Variants in DDX60 observed in about 807,000 individuals in gnomAD.
DDX60 encodes probable ATP-dependent RNA helicase DDX60.
Under a neutral mutation model 212.8 loss-of-function variants are expected in DDX60, and 165 were observed. That is an observed-to-expected ratio of 0.78 (90% CI 0.68 to 0.88). DDX60 has a LOEUF of 0.88. Among genes scored for constraint, DDX60 ranks in the 40% least tolerant of loss-of-function variants. DDX60 has a pLI of 0.00. For missense variants in DDX60, 1,905 were observed against 2,003.9 expected, an observed-to-expected ratio of 0.95 and a Z score of 0.94; for synonymous variants, 703 against 685.3, an observed-to-expected ratio of 1.03 and a Z score of -0.40.
chr4:168,312,454 G>A (rs1737176193), intron 1 of DDX60, among the ~76,000 whole-genome samples: 1 of 151,470 alleles, frequency 6.6e-6, no homozygotes, highest in African/African-American at 2.4e-5. Context: ...GGGAGAGACA[G>A]CATCATGGGA....
In DDX60 at chr4:168,287,280, A is replaced by C. The variant is rs77203108; in HGVS notation, c.1184-77T>G. 1,504 of 1,309,038 alleles carry C rather than the reference A, an allele frequency of 1.1e-3. 31 individuals carry two copies. In the Admixed American group the frequency reaches 0.022, roughly 19 times the overall value. 81.1% of individuals were successfully genotyped at this position (1,309,038 alleles called of 1,614,324 possible). A position where few individuals can be genotyped will look rare whatever the true frequency, so the allele number is the denominator to read the frequency against. On this transcript the variant is annotated intron_variant, in intron 9 of 37. Transcript: ENST00000393743. ...AAGAATCATTAGTCACATTTTGAGT[A>C]AATTCATGGAATTCTGAAATACTTT...
chr4:168,254,768 A>G (rs1226353137), intron 26 of DDX60, among the ~76,000 whole-genome samples: 1 of 152,186 alleles, frequency 6.6e-6, no homozygotes. Context: ...CCAAAAAGGG[A>G]GCAATCAGGA....
At chr4:168,294,848 C>T (rs1351826974) in intron 6 of DDX60, among the ~76,000 whole-genome samples, 1 of 151,790 alleles carries the variant, frequency 6.6e-6, no homozygotes, top group Non-Finnish European at 1.5e-5. Context: ...ATAGAAACAA[C>T]TCAAACTCAA....
At chr4:168,303,651 G>C (rs536184395) in intron 5 of DDX60, among the ~76,000 whole-genome samples, 9 of 152,288 alleles carry the variant, frequency 5.9e-5, no homozygotes, top group African/African-American at 2.2e-4. Context: ...TGTTCATGAG[G>C]CTGGTGTAAA....
chr4:168,244,164 G>T (rs1453371468), intron 30 of DDX60, among the ~76,000 whole-genome samples: 1 of 152,104 alleles, frequency 6.6e-6, no homozygotes, highest in African/African-American at 2.4e-5. Flanking sequence ...TAACACTTTG[G>T]TGATGGGTTG....
chr4:168,300,140 A>G (rs7657164), intron 6 of DDX60, among the ~76,000 whole-genome samples: 54,106 of 150,608 alleles, frequency 0.36, 9,815 homozygotes, highest in African/African-American at 0.44. Flanking sequence ...GCTTCAATAC[A>G]GGGAAAATCA....
intron 33 of DDX60, among the ~76,000 whole-genome samples, chr4:168,234,849 A>C (rs539276363): frequency 1.3e-5 from 2 of 152,222 alleles, no homozygotes; most frequent in South Asian, 4.1e-4. Context: ...AAGTATGATC[A>C]CCTCAGTACA....
At chr4:168,324,553 T>C in the DDX60 span, among the ~76,000 whole-genome samples, 1 of 152,128 alleles carries the variant, frequency 6.6e-6, no homozygotes, top group African/African-American at 2.4e-5. Context: ...CGAGATTAAG[T>C]AAAATTTGTA....
chr4:168,302,467 T>C, intron 5 of DDX60, 51 bp from the exon 6 acceptor site: 1 of 811,628 alleles, frequency 1.2e-6, no homozygotes, highest in Non-Finnish European at 1.8e-6. Flanking sequence ...AATATGTAAT[T>C]ATTTTCCAAC....
rs61732255 is a variant in DDX60, at chr4:168,255,845, G to A, written c.3423C>T (p.Asn1141=). Residue 1141 remains asparagine, a synonymous_variant, in exon 26 of 38, where the codon AAC becomes AAT. Transcript: ENST00000393743. ...FFLFKLGAVE[N]AAESVSTFLK... is the part of the protein sequence containing the mutation. ...GGAAAGTGCTCACACTTTCAGCTGCGTTTTCTACAGCTCCTAACTTGAATC... is the reference window on the plus strand; with the variant it reads ...GGAAAGTGCTCACACTTTCAGCTGCATTTTCTACAGCTCCTAACTTGAATC... 0.02 allele frequency: 31,361 copies of A among 1,590,578 alleles called. 1,930 individuals carry two copies. Among genetic ancestry groups the A allele is most frequent in the East Asian group, 0.17 (7,621 of 44,194 alleles).
At position 168,293,873 on chromosome 4, in the gene DDX60, T is replaced by A; in HGVS notation, c.796A>T (p.Thr266Ser). 6.2e-7 allele frequency: 1 copy of A among 1,613,970 alleles called. No homozygotes were observed. Among genetic ancestry groups the A allele is most frequent in the Non-Finnish European group, 8.5e-7 (1 of 1,179,932 alleles). The change falls in exon 7 of 38, where the codon ACT becomes TCT. Residue 266 changes from threonine (T) to serine (S), a missense_variant. Coordinates refer to ENST00000393743, the MANE Select transcript of DDX60 (RefSeq NM_017631.6). ...GSDIRRVFCV[T>S]SCSLSLRMYH... is the part of the protein sequence containing the mutation. ...ATTCTCAAAGATAATGAGCATGAAG[T>A]AACACAAAAGACACGCCGAATGTCA...
intron 33 of DDX60, chr4:168,236,005 C>G (rs1488217405): frequency 1.1e-5 from 4 of 377,032 alleles, no homozygotes; most frequent in Non-Finnish European, 1.9e-5. Context: ...TTGATACAAT[C>G]AAATGAAAAA....
chr4:168,315,768 A>T (rs1025274549), intron 1 of DDX60, among the ~76,000 whole-genome samples: 2 of 152,120 alleles, frequency 1.3e-5, no homozygotes, highest in African/African-American at 2.4e-5. Flanking sequence ...ATTCTTTTTT[A>T]TGGCTGCATA....
At chr4:168,324,325 G>A in the DDX60 span, among the ~76,000 whole-genome samples, 1 of 151,402 alleles carries the variant, frequency 6.6e-6, no homozygotes, top group South Asian at 2.1e-4. Context: ...CTGAAGAAGG[G>A]CAATATTTTG....
intron 33 of DDX60, among the ~76,000 whole-genome samples, chr4:168,227,138 A>T (rs1168239895): frequency 6.6e-6 from 1 of 151,838 alleles, no homozygotes; most frequent in Non-Finnish European, 1.5e-5. Context: ...ATATATAGTG[A>T]TGTTATCCTT....
chr4:168,227,753 T>C (rs1733308609), intron 33 of DDX60, among the ~76,000 whole-genome samples: 1 of 152,104 alleles, frequency 6.6e-6, no homozygotes, highest in Non-Finnish European at 1.5e-5. Flanking sequence ...AGCATTCTTA[T>C]GTTTGCTTTA....
In DDX60 at chr4:168,237,357, G is replaced by A; in HGVS notation, c.4340C>T (p.Pro1447Leu). 1.3e-6 allele frequency: 2 copies of A among 1,596,770 alleles called. No individual in the cohort carries two copies. The highest frequency in any genetic ancestry group is 1.7e-6 in the Non-Finnish European group (2 of 1,171,880). ...AAAACTGACAAAAACAAGATTAGAA[G>A]GTTCATGATAATGCAAATGTGATAC... is the stretch of plus-strand genomic sequence containing the variant. ...GLVSHLHYHE[P>L]SNLVFVSFLV... The change falls in exon 32 of 38, where the codon CCT (proline) becomes CTT (leucine). Residue 1447 changes from proline (P) to leucine (L), a missense_variant. Physicochemically the swap from Pro to Leu is moderately conservative, Grantham distance 98. Transcript: ENST00000393743.
chr4:168,225,790 A>G (rs1560810813), intron 33 of DDX60, 114 bp from the exon 34 acceptor site: 10 of 919,696 alleles, frequency 1.1e-5, no homozygotes, highest in Admixed American at 3.5e-5. Context: ...TTATCTATTA[A>G]TATTTATTCA....
chr4:168,290,501 A>T (rs1579058182), intron 8 of DDX60, among the ~76,000 whole-genome samples: 17 of 148,950 alleles, frequency 1.1e-4, no homozygotes, highest in Admixed American at 1.1e-3. Context: ...GCTACTTTTT[A>T]TTTTTTTTGG....
Sources: gnomAD v4.1 joint callset for allele counts (sites outside exome capture counted in the v4.1 genomes callset) on GRCh38, gnomAD v4.1.1 for gene constraint, MANE v1.5 for transcripts, NCBI Gene and HGNC (gene_info 2026-07-23, HGNC 2026-07-21) for gene names.